GPC3: variants seen among roughly 807,000 people sequenced by gnomAD.
GPC3 encodes the protein glypican 3, also known as glypican-3.
A neutral mutation model predicts 34.4 loss-of-function variants in GPC3; 3 were observed. The observed-to-expected ratio is 0.09, with a 90% CI of 0.04 to 0.23. GPC3 has a LOEUF of 0.23. Among genes scored for constraint, GPC3 ranks in the 10% least tolerant of loss-of-function variants. The probability of loss-of-function intolerance (pLI) is 1.00; values close to 1 mark genes in which losing one functional copy is unlikely to be tolerated. For missense variants in GPC3, 351 were observed against 445.6 expected, an observed-to-expected ratio of 0.79 and a Z score of 1.91; for synonymous variants, 177 against 174.0, an observed-to-expected ratio of 1.02 and a Z score of -0.13.
chrX:133,768,411 C>T (rs906478436), intron 2 of GPC3, among the ~76,000 whole-genome samples: 8 of 111,213 alleles, frequency 7.2e-5, no homozygotes, highest in African/African-American at 2.6e-4. Context: ...GTATCCAAAA[C>T]TAGAGTATAT....
intron 5 of GPC3, among the ~76,000 whole-genome samples, chrX:133,689,713 C>T (rs188726777): frequency 3.6e-5 from 4 of 111,986 alleles, no homozygotes; most frequent in East Asian, 2.8e-4. Context: ...AGAATGAATA[C>T]GTGAATGAAT....
At chrX:133,829,365 ATAGT>A (rs1380695083) in intron 2 of GPC3, among the ~76,000 whole-genome samples, 1 of 112,455 alleles carries the variant, frequency 8.9e-6, no homozygotes, top group Non-Finnish European at 1.9e-5. Context: ...TTCAACAGTA[ATAGT>A]TGGAGACTTC....
chrX:133,923,526 T>C (rs1052750356), intron 2 of GPC3, among the ~76,000 whole-genome samples: 6 of 111,959 alleles, frequency 5.4e-5, no homozygotes, highest in African/African-American at 1.9e-4. Flanking sequence ...CTTTCCCTTC[T>C]AGCCTTCCAT....
intron 2 of GPC3, among the ~76,000 whole-genome samples, chrX:133,849,084 CTTTTTTTTTTT>C (rs60339728): frequency 2.6e-4 from 12 of 46,279 alleles, no homozygotes; most frequent in Non-Finnish European, 3.9e-4. Flanking sequence ...ACTAAAGTTT[CTTTTTTTTTTT>C]TTTTTTTTTT....
chrX:133,813,095 G>A (rs1469999911), intron 2 of GPC3, among the ~76,000 whole-genome samples: 1 of 112,827 alleles, frequency 8.9e-6, no homozygotes, highest in African/African-American at 3.2e-5. Context: ...AGGGGTGGGA[G>A]CTCCTGACAG....
chrX:133,658,158 T>C (rs1251232139), intron 6 of GPC3, among the ~76,000 whole-genome samples: 1 of 111,272 alleles, frequency 9.0e-6, no homozygotes, highest in Admixed American at 9.5e-5. Context: ...TTTGGCAGTG[T>C]ATAGGAAACA....
At chrX:133,539,187 C>G (rs993614174) in intron 7 of GPC3, among the ~76,000 whole-genome samples, 1 of 110,656 alleles carries the variant, frequency 9.0e-6, no homozygotes, top group Admixed American at 9.7e-5. Context: ...ATTATAATTC[C>G]CATTTTACTG....
intron 6 of GPC3, among the ~76,000 whole-genome samples, chrX:133,627,170 G>C (rs867078970): frequency 4.5e-5 from 3 of 66,956 alleles, no homozygotes; most frequent in Non-Finnish European, 7.9e-5. Flanking sequence ...GTCGCAGGGT[G>C]GGGGGAGGGG....
At chrX:133,576,549 C>T (rs2069684074) in intron 7 of GPC3, among the ~76,000 whole-genome samples, 2 of 111,314 alleles carry the variant, frequency 1.8e-5, no homozygotes, top group South Asian at 7.6e-4. Flanking sequence ...CCAATCCTAG[C>T]TCTTAATATC....
chrX:133,753,340 T>C (rs774369802), intron 3 of GPC3, 142 bp downstream of exon 3: 1 of 529,258 alleles, frequency 1.9e-6, no homozygotes, highest in African/African-American at 2.3e-5. Flanking sequence ...ATATGCTGCC[T>C]AACTCTGTGA....
At chrX:133,965,053 A>G (rs2076457216) in intron 1 of GPC3, among the ~76,000 whole-genome samples, 1 of 111,497 alleles carries the variant, frequency 9.0e-6, no homozygotes, top group Non-Finnish European at 1.9e-5. Flanking sequence ...GACACTTTAC[A>G]ACTAACTTTA....
At chrX:133,720,872 C>T (rs1192851260) in intron 3 of GPC3, among the ~76,000 whole-genome samples, 1 of 108,956 alleles carries the variant, frequency 9.2e-6, no homozygotes, top group Non-Finnish European at 1.9e-5. Context: ...ATATAATGGA[C>T]TTTGGGGACT....
chrX:133,857,483 G>A (rs778308877), intron 2 of GPC3, among the ~76,000 whole-genome samples: 1 of 111,876 alleles, frequency 8.9e-6, no homozygotes, highest in South Asian at 3.8e-4. Flanking sequence ...AGTGCCCAAA[G>A]CTATGAGTTC....
chrX:133,875,967 T>TA (rs1415888943), intron 2 of GPC3, among the ~76,000 whole-genome samples: 2 of 111,625 alleles, frequency 1.8e-5, no homozygotes, highest in South Asian at 3.8e-4. Flanking sequence ...GTGCCTTGAT[T>TA]AAAAAAAATT....
At chrX:133,540,576 A>G (rs1234081012) in intron 7 of GPC3, among the ~76,000 whole-genome samples, 3 of 111,565 alleles carry the variant, frequency 2.7e-5, no homozygotes, top group African/African-American at 9.8e-5. Flanking sequence ...GAGGTGAGGG[A>G]TAAAAGACTA....
chrX:133,914,893 AC>A (rs1484997233), intron 2 of GPC3, among the ~76,000 whole-genome samples: 4 of 99,967 alleles, frequency 4.0e-5, no homozygotes, highest in South Asian at 4.7e-4. Context: ...AAAAAAAAAA[AC>A]AACCAGATAA....
intron 2 of GPC3, among the ~76,000 whole-genome samples, chrX:133,830,258 G>A (rs184330283): frequency 9.0e-6 from 1 of 111,558 alleles, no homozygotes; most frequent in Non-Finnish European, 1.9e-5. Context: ...TTTAATAAAG[G>A]CTTGAAGGCA....
intron 2 of GPC3, among the ~76,000 whole-genome samples, chrX:133,856,791 C>G (rs909992572): frequency 8.9e-6 from 1 of 111,801 alleles, no homozygotes; most frequent in African/African-American, 3.2e-5. Flanking sequence ...GTAGCAAAGA[C>G]TAAGGTGAAC....
intron 3 of GPC3, chrX:133,704,421 T>C: frequency 3.1e-6 from 1 of 321,514 alleles, no homozygotes; most frequent in South Asian, 1.1e-4. Flanking sequence ...ATGTTTAATA[T>C]AAGTTTTACG....
Sources: allele counts gnomAD v4.1 joint callset (sites outside exome capture counted in the v4.1 genomes callset), GRCh38; gene constraint gnomAD v4.1.1; transcripts MANE v1.5; gene names NCBI Gene and HGNC (gene_info 2026-07-23, HGNC 2026-07-21).